The following HERC3 variants were observed in gnomAD, a reference collection of about 807,000 sequenced individuals.
The protein encoded by HERC3 is HECT and RLD domain containing E3 ubiquitin protein ligase 3.
A neutral mutation model predicts 129.9 loss-of-function variants in HERC3; 58 were observed. The ratio of observed to expected loss-of-function variants is 0.45; its 90% CI spans 0.36 to 0.56. The LOEUF is 0.56. HERC3 is among the 20% of genes least tolerant of loss of function. The probability of loss-of-function intolerance (pLI) is 0.00; values close to 1 mark genes in which losing one functional copy is unlikely to be tolerated. For synonymous variants in HERC3, 430 were observed against 451.0 expected, an observed-to-expected ratio of 0.95 and a Z score of 0.59; for missense variants, 835 against 1,244.2, an observed-to-expected ratio of 0.67 and a Z score of 4.95.
At chr4:88,640,910 C>G (rs1383888221) in intron 3 of HERC3, among the ~76,000 whole-genome samples, 1 of 152,022 alleles carries the variant, frequency 6.6e-6, no homozygotes, top group Admixed American at 6.6e-5. Flanking sequence ...ATAAATAGAA[C>G]TAATAGAACA....
chr4:88,579,219 TAAAAAAA>T, the HERC3 span, among the ~76,000 whole-genome samples: 16 of 117,034 alleles, frequency 1.4e-4, no homozygotes, highest in African/African-American at 6.2e-4. Flanking sequence ...CTGTCTCTAC[TAAAAAAA>T]AAAAAAATAT....
At chr4:88,624,928 A>G (rs542685062) in intron 3 of HERC3, among the ~76,000 whole-genome samples, 3 of 152,170 alleles carry the variant, frequency 2.0e-5, no homozygotes, top group African/African-American at 7.2e-5. Context: ...TGGATACCCA[A>G]TTTTCAGCAT....
chr4:88,602,605 G>C (rs1316504058), intron 2 of HERC3, among the ~76,000 whole-genome samples: 1 of 151,900 alleles, frequency 6.6e-6, no homozygotes, highest in Non-Finnish European at 1.5e-5. Flanking sequence ...AGCACCCCAA[G>C]TAGCTGGGAC....
At chr4:88,547,531 G>A in the HERC3 span, among the ~76,000 whole-genome samples, 4 of 152,158 alleles carry the variant, frequency 2.6e-5, no homozygotes, top group African/African-American at 7.2e-5. Flanking sequence ...CACTCCACTC[G>A]CAGCCCTAGG....
the HERC3 span, among the ~76,000 whole-genome samples, chr4:88,560,215 C>T: frequency 0.4 from 61,248 of 151,912 alleles, 14,727 homozygotes; most frequent in African/African-American, 0.68. Flanking sequence ...CCGCCTCGGC[C>T]TCCCAAAGTG....
Position 88,667,485 on chromosome 4 carries a change from A to G in HERC3, c.1440A>G (p.Glu480=). 6.5e-7 allele frequency: 1 copy of G among 1,542,618 alleles called. No individual in the cohort carries two copies. Among genetic ancestry groups the G allele is most frequent in the Non-Finnish European group, 8.9e-7 (1 of 1,123,978 alleles). ...LMNSQHSMIL[E]QILNSFESCL... ...ACTCTCAGCACTCCATGATTCTAGA[A>G]CAGGTATGTTTCTATATTTGTAAAG... The change falls in exon 13 of 26, where the codon GAA becomes GAG. Residue 480 remains glutamate (E), a synonymous_variant. Coordinates refer to ENST00000402738, the MANE Select transcript of HERC3 (RefSeq NM_014606.3).
chr4:88,637,002 G>C (rs139819205), intron 3 of HERC3, among the ~76,000 whole-genome samples: 2,416 of 152,212 alleles, frequency 0.016, 58 homozygotes, highest in African/African-American at 0.055. Flanking sequence ...GGCAGTGTGC[G>C]CCTGTAGTCC....
At chr4:88,579,090 T>G in the HERC3 span, among the ~76,000 whole-genome samples, 6 of 152,018 alleles carry the variant, frequency 3.9e-5, no homozygotes, top group Non-Finnish European at 8.8e-5. Context: ...GAGATTAGTT[T>G]GTTAAGAGTG....
chr4:88,578,903 C>T, the HERC3 span, among the ~76,000 whole-genome samples: 1 of 151,998 alleles, frequency 6.6e-6, no homozygotes, highest in Non-Finnish European at 1.5e-5. Context: ...ATCACCCCTA[C>T]AAAAAATGCT....
the HERC3 span, among the ~76,000 whole-genome samples, chr4:88,529,008 T>G: frequency 6.6e-6 from 1 of 152,200 alleles, no homozygotes; most frequent in Non-Finnish European, 1.5e-5. Context: ...ATTTATTAAT[T>G]TATTGAATGT....
chr4:88,680,417 T>C (rs1166698540), intron 20 of HERC3, among the ~76,000 whole-genome samples, 181 bp downstream of exon 20: 1 of 152,252 alleles, frequency 6.6e-6, no homozygotes, highest in East Asian at 1.9e-4. Flanking sequence ...CAAGACCTCA[T>C]AGTGCATTTT....
At chr4:88,610,453 CAAAAAAAAA>C (rs10616395) in intron 3 of HERC3, among the ~76,000 whole-genome samples, 2 of 122,516 alleles carry the variant, frequency 1.6e-5, no homozygotes, top group Non-Finnish European at 3.3e-5. Flanking sequence ...GACTCCGTCT[CAAAAAAAAA>C]AAAAAAAAAG....
At chr4:88,617,175 CAAAAAAAA>C (rs1162260456) in intron 3 of HERC3, among the ~76,000 whole-genome samples, 1 of 31,860 alleles carries the variant, frequency 3.1e-5, no homozygotes, top group Admixed American at 3.8e-4. Context: ...ACCCTGTCTC[CAAAAAAAA>C]AAAAAAAAAA....
At chr4:88,539,860 GA>G in the HERC3 span, among the ~76,000 whole-genome samples, 1 of 152,118 alleles carries the variant, frequency 6.6e-6, no homozygotes, top group Admixed American at 6.6e-5. Context: ...CTGTTAGAAG[GA>G]AAAACTAACA....
intron 3 of HERC3, among the ~76,000 whole-genome samples, chr4:88,642,645 A>G (rs1377851593): frequency 1.3e-5 from 2 of 152,188 alleles, no homozygotes; most frequent in Non-Finnish European, 2.9e-5. Context: ...ATCTTCATAC[A>G]GTGAAAGGGG....
intron 14 of HERC3, 53 bp downstream of exon 14, chr4:88,668,134 T>A: frequency 7.2e-7 from 1 of 1,396,368 alleles, no homozygotes; most frequent in South Asian, 1.2e-5. Flanking sequence ...GTTTTGTTGG[T>A]GTGACTCCTG....
the HERC3 span, chr4:88,527,451 G>C: frequency 1.2e-5 from 2 of 161,074 alleles, no homozygotes; most frequent in East Asian, 3.8e-4. Flanking sequence ...TGTAAAGTCA[G>C]GGTCTCACTA....
At chr4:88,643,015 A>C (rs1276585441) in intron 3 of HERC3, among the ~76,000 whole-genome samples, 2 of 152,218 alleles carry the variant, frequency 1.3e-5, no homozygotes, top group Admixed American at 1.3e-4. Context: ...TGCAGTGTCT[A>C]CATTGAAAAT....
At chr4:88,655,034 C>T (rs934168072) in intron 7 of HERC3, 140 bp from the exon 8 acceptor site, 15 of 663,018 alleles carry the variant, frequency 2.3e-5, no homozygotes, top group African/African-American at 3.6e-5. Flanking sequence ...TAATGAACAT[C>T]CTTACAAAGT....
Sources: allele counts gnomAD v4.1 joint callset (sites outside exome capture counted in the v4.1 genomes callset), GRCh38; gene constraint gnomAD v4.1.1; transcripts MANE v1.5; gene names NCBI Gene and HGNC (gene_info 2026-07-23, HGNC 2026-07-21).